SLC9A1: variants seen among roughly 807,000 people sequenced by gnomAD.
SLC9A1 encodes the protein solute carrier family 9 member A1.
SLC9A1 carries 22 observed loss-of-function variants against 67.9 expected under a neutral mutation model. That is an observed-to-expected ratio of 0.32 (90% CI 0.23 to 0.46). SLC9A1 has a LOEUF of 0.46. SLC9A1 is among the 20% of genes least tolerant of loss of function. The pLI is 1.00. For synonymous variants in SLC9A1, 421 were observed against 471.8 expected, an observed-to-expected ratio of 0.89 and a Z score of 1.40; for missense variants, 686 against 1,094.8, an observed-to-expected ratio of 0.63 and a Z score of 5.27.
At position 27,114,396 on chromosome 1, in the gene SLC9A1, C is replaced by G. The variant is rs905302048; in HGVS notation, c.353-110G>C. The G allele has an allele frequency of 2.5e-6, 2 of 811,224 alleles. No homozygotes were observed. The highest frequency in any genetic ancestry group is 3.9e-6 in the Non-Finnish European group (2 of 509,814). The allele number at this position is 811,224 out of a possible 1,614,324, so 50.3% of individuals were successfully genotyped here. On this transcript the variant is annotated intron_variant, in intron 1 of 11. Transcript: ENST00000263980. This position sits in a 1 kb window ranked among gnomAD's most constrained non-coding sequence, Gnocchi z 5.4. ...GCGCAGTTGGTGAGAGGTGCACAGG[C>G]TGGGTCTCAGAGGGCTGCTCTGTTA...
chr1:27,127,534 C>T (rs1284294430), intron 1 of SLC9A1, among the ~76,000 whole-genome samples: 4 of 152,134 alleles, frequency 2.6e-5, no homozygotes, highest in African/African-American at 9.7e-5. Context: ...TCAGCCAAGG[C>T]CAGTTATGAA....
Position 27,114,105 on chromosome 1 carries a change from T to C in SLC9A1, c.534A>G (p.Pro178=), listed in dbSNP as rs2083249869. 4.3e-6 allele frequency: 7 copies of C among 1,614,110 alleles called. No individual in the cohort carries two copies. Among genetic ancestry groups the C allele is most frequent in the Non-Finnish European group, 5.9e-6 (7 of 1,180,024 alleles). The change falls in exon 2 of 12, where the codon CCA becomes CCG. Residue 178 remains proline (P), a synonymous_variant. Transcript: ENST00000263980. The surrounding 1 kb of genome is among the most constrained non-coding windows in gnomAD (Gnocchi z 5.4). The stretch of plus-strand genomic sequence containing the variant: ...CCAGGTTTTCTGTGAACTGCCGCAG[T>C]GGCAGGAAGTAGCCCGCATCCAGGA... ...PIILDAGYFL[P]LRQFTENLGT...
In SLC9A1 at chr1:27,102,774, C is replaced by T. The variant is rs368084904; in HGVS notation, c.1576-31G>A. 48 of 1,594,940 alleles carry T rather than the reference C, an allele frequency of 3.0e-5. No homozygotes were observed. The African/African-American group carries it at 3.5e-4, about 12-fold the overall frequency. On this transcript the variant is annotated intron_variant, in intron 6 of 11. Coordinates refer to ENST00000263980, the MANE Select transcript of SLC9A1 (RefSeq NM_003047.5). ...AGGGGCCCAGGGCCAAGTCAAGCCTCGCTGTGGGGCGCCTTCCCTACCAAG... is the reference window on the plus strand; with the variant it reads ...AGGGGCCCAGGGCCAAGTCAAGCCTTGCTGTGGGGCGCCTTCCCTACCAAG...
At chr1:27,125,794 T>C (rs1397085525) in intron 1 of SLC9A1, among the ~76,000 whole-genome samples, 1 of 152,014 alleles carries the variant, frequency 6.6e-6, no homozygotes, top group Non-Finnish European at 1.5e-5. Context: ...GGTTTCACCA[T>C]GTTGGCCAGG....
At chr1:27,131,947 A>AAAAAAAAAAAAAAAATATATATAT in intron 1 of SLC9A1, among the ~76,000 whole-genome samples, 1 of 52,124 alleles carries the variant, frequency 1.9e-5, no homozygotes, top group African/African-American at 6.4e-5. Context: ...AGAAAAAAAA[A>AAAAAAAAAAAAAAAATATATATAT]ATATATATAT....
Position 27,101,246 on chromosome 1 carries a change from G to A in SLC9A1, c.2067C>T (p.His689=). The stretch of plus-strand genomic sequence containing the variant: ...GAGACATGGTGGGTGAGTCCAGCTT[G>A]TGGGCTGGCACCGTCAGGTAGTTGT... The part of the protein sequence containing the change: ...KINNYLTVPA[H]KLDSPTMSRA... Residue 689 remains histidine, a synonymous_variant, in exon 11 of 12, where the codon CAC becomes CAT. Transcript: ENST00000263980. The surrounding 1 kb of genome is among the most constrained non-coding windows in gnomAD (Gnocchi z 4.9). The A allele has an allele frequency of 6.2e-7, 1 of 1,612,340 alleles. No individual in the cohort carries two copies. Among genetic ancestry groups the A allele is most frequent in the South Asian group, 1.1e-5 (1 of 91,086 alleles).
chr1:27,149,203 G>A (rs970659071), intron 1 of SLC9A1, among the ~76,000 whole-genome samples: 2 of 151,912 alleles, frequency 1.3e-5, no homozygotes, highest in African/African-American at 2.4e-5. Flanking sequence ...TGAGCTGGGC[G>A]CTTCTCAGTG....
chr1:27,133,511 C>T (rs1484538934), intron 1 of SLC9A1, among the ~76,000 whole-genome samples: 1 of 152,150 alleles, frequency 6.6e-6, no homozygotes, highest in Admixed American at 6.6e-5. Flanking sequence ...CTTCATCTGA[C>T]TAAGAGGTGA....
chr1:27,146,145 G>A (rs1468289337), intron 1 of SLC9A1, among the ~76,000 whole-genome samples: 1 of 152,142 alleles, frequency 6.6e-6, no homozygotes, highest in Non-Finnish European at 1.5e-5. Context: ...GATGACTCAG[G>A]AATAACCCAG....
chr1:27,101,609 A>C lies in SLC9A1; in HGVS notation c.2037+116T>G. On this transcript the variant is annotated intron_variant, in intron 10 of 11. Transcript: ENST00000263980. The surrounding 1 kb of genome is among the most constrained non-coding windows in gnomAD (Gnocchi z 4.9). The stretch of plus-strand genomic sequence containing the variant: ...TGGCTCTCCATGCCCTTACACTGCT[A>C]AAAGCCCCTCGAAAGCCAAACCCTG... 2 of 754,144 alleles carry C rather than the reference A, an allele frequency of 2.7e-6. No homozygotes were observed. Among genetic ancestry groups the C allele is most frequent in the Non-Finnish European group, 4.5e-6 (2 of 443,100 alleles). 46.7% of individuals were successfully genotyped at this position (754,144 alleles called of 1,614,324 possible). A position where few individuals can be genotyped will look rare whatever the true frequency, so the allele number is the denominator to read the frequency against.
At chr1:27,102,331 G>T in intron 8 of SLC9A1, 54 bp downstream of exon 8, 1 of 1,546,910 alleles carries the variant, frequency 6.5e-7, no homozygotes, top group Non-Finnish European at 8.8e-7. Flanking sequence ...CTCCAACCGG[G>T]CTTGAGGGGC....
chr1:27,100,096 G>T lies in SLC9A1; in HGVS notation c.*211C>A, dbSNP rs1359026960. The T allele has an allele frequency of 6.4e-6, 3 of 465,398 alleles. No homozygotes were observed. Among genetic ancestry groups the T allele is most frequent in the African/African-American group, 6.0e-5 (3 of 50,236 alleles). 28.8% of individuals were successfully genotyped at this position (465,398 alleles called of 1,614,324 possible). ...ACCAGCCCCAGCAGTTCTGCCAAAT[G>T]GATTGGGGAGGCAGCTCTGGTGGGG... On this transcript the variant is annotated 3_prime_UTR_variant, in exon 12 of 12. Transcript: ENST00000263980. This position sits in a 1 kb window ranked among gnomAD's most constrained non-coding sequence, Gnocchi z 5.6.
At chr1:27,152,413 TCTC>T (rs2083535714) in intron 1 of SLC9A1, among the ~76,000 whole-genome samples, 1 of 151,978 alleles carries the variant, frequency 6.6e-6, no homozygotes, top group Admixed American at 6.6e-5. Context: ...ACTTGTGAGG[TCTC>T]CTCCTGGTCT....
In SLC9A1 at chr1:27,101,488, G is replaced by C. The variant is rs1385744355; in HGVS notation, c.2038-213C>G. ...CAGCCTCCCTGAATACACCTACACT[G>C]CTCAGCCTTAAATCCACCCATTCCT... On this transcript the variant is annotated intron_variant, in intron 10 of 11. Transcript: ENST00000263980. This position sits in a 1 kb window ranked among gnomAD's most constrained non-coding sequence, Gnocchi z 4.9. Among the ~76,000 whole-genome samples, 2 of 152,100 alleles carry C rather than the reference G, an allele frequency of 1.3e-5. No individual in the cohort carries two copies. The highest frequency in any genetic ancestry group is 1.5e-5 in the Non-Finnish European group (1 of 68,016).
chr1:27,141,039 C>T (rs2083450399), intron 1 of SLC9A1, among the ~76,000 whole-genome samples: 1 of 152,068 alleles, frequency 6.6e-6, no homozygotes, highest in African/African-American at 2.4e-5. Context: ...AAAACCCCAT[C>T]TCTACTAAAA....
intron 1 of SLC9A1, among the ~76,000 whole-genome samples, chr1:27,119,547 C>G (rs2083292529): frequency 6.6e-6 from 1 of 152,158 alleles, no homozygotes. Context: ...GTAATACTTC[C>G]CAATGAAAGC....
intron 1 of SLC9A1, among the ~76,000 whole-genome samples, chr1:27,144,287 G>A (rs572730113): frequency 3.2e-4 from 48 of 152,206 alleles, no homozygotes; most frequent in Non-Finnish European, 5.7e-4. Context: ...TAGGGCTCTC[G>A]GCAGCTCCCC....
chr1:27,109,371 G>A lies in SLC9A1; in HGVS notation c.1064+156C>T, dbSNP rs758953342. 3.9e-5 allele frequency among the ~76,000 whole-genome samples: 6 copies of A among 152,068 alleles called. No individual in the cohort carries two copies. Among genetic ancestry groups the A allele is most frequent in the African/African-American group, 7.2e-5 (3 of 41,432 alleles). On this transcript the variant is annotated intron_variant, in intron 3 of 11. Transcript: ENST00000263980. This position sits in a 1 kb window ranked among gnomAD's most constrained non-coding sequence, Gnocchi z 5.5. ...ACTGATGCCCTTGGCCATTTAAATG[G>A]CTACCAAGCAGGTCTGGAGCCTGGA...
chr1:27,127,195 T>A (rs1056139295), intron 1 of SLC9A1, among the ~76,000 whole-genome samples: 1 of 152,048 alleles, frequency 6.6e-6, no homozygotes, highest in Non-Finnish European at 1.5e-5. Context: ...GAGATAGGGG[T>A]TTTGCCATGT....
Sources: allele counts gnomAD v4.1 joint callset (sites outside exome capture counted in the v4.1 genomes callset), GRCh38; gene constraint gnomAD v4.1.1; non-coding constraint Gnocchi (gnomAD v3.1); transcripts MANE v1.5; gene names NCBI Gene and HGNC (gene_info 2026-07-23, HGNC 2026-07-21).